Variants in GALNTL6 observed in about 807,000 individuals in gnomAD.
The protein encoded by GALNTL6 is polypeptide N-acetylgalactosaminyltransferase like 6, also known as polypeptide N-acetylgalactosaminyltransferase-like 6.
GALNTL6 carries 46 observed loss-of-function variants against 73.7 expected under a neutral mutation model. The ratio of observed to expected loss-of-function variants is 0.62; its 90% confidence interval spans 0.49 to 0.80. The LOEUF (loss-of-function observed/expected upper bound fraction) is 0.80, where lower values mean the gene tolerates loss of function less well. Among genes scored for constraint, GALNTL6 ranks in the 30% least tolerant of loss-of-function variants. The pLI is 0.00. For missense variants in GALNTL6, 604 were observed against 755.0 expected (o/e 0.80, Z 2.34); for synonymous variants, 259 against 263.7 (o/e 0.98, Z 0.17).
chr4:172,836,923 G>C (rs753508202), intron 7 of GALNTL6, among the ~76,000 whole-genome samples: 1 of 152,178 alleles, frequency 6.6e-6, no homozygotes, highest in African/African-American at 2.4e-5. Context: ...ATTCATTAAA[G>C]CACTTCCCTG....
intron 5 of GALNTL6, among the ~76,000 whole-genome samples, chr4:172,744,834 C>CGTGT (rs1553983570): frequency 1.0e-3 from 85 of 84,688 alleles, no homozygotes; most frequent in Admixed American, 5.2e-3. Context: ...TTTAAGAGTG[C>CGTGT]GCGTGCGTGT....
chr4:172,833,613 A>G (rs1464027535), intron 7 of GALNTL6, among the ~76,000 whole-genome samples: 1 of 152,230 alleles, frequency 6.6e-6, no homozygotes, highest in Non-Finnish European at 1.5e-5. Flanking sequence ...CCAAATACCC[A>G]TCATTTATAG....
At chr4:172,693,010 G>T (rs145272255) in intron 5 of GALNTL6, among the ~76,000 whole-genome samples, 1 of 152,126 alleles carries the variant, frequency 6.6e-6, no homozygotes, top group Non-Finnish European at 1.5e-5. Context: ...TAATATGAAA[G>T]ATTAAGCTTA....
chr4:172,622,278 G>A (rs1242307801), intron 5 of GALNTL6, among the ~76,000 whole-genome samples: 9 of 152,068 alleles, frequency 5.9e-5, no homozygotes, highest in Non-Finnish European at 1.5e-5. Flanking sequence ...CACAACTAAA[G>A]TTTCCAACTC....
At chr4:172,144,577 A>G (rs553236990) in intron 2 of GALNTL6, among the ~76,000 whole-genome samples, 147 of 152,304 alleles carry the variant, frequency 9.7e-4, no homozygotes, top group African/African-American at 3.4e-3. Context: ...ATAGTCTTTC[A>G]TTTACTAGGT....
intron 2 of GALNTL6, among the ~76,000 whole-genome samples, chr4:171,875,607 T>G (rs540238482): frequency 1.3e-5 from 2 of 152,214 alleles, no homozygotes; most frequent in East Asian, 3.9e-4. Flanking sequence ...ATTGTTCTTA[T>G]GTATCTCTTA....
intron 2 of GALNTL6, among the ~76,000 whole-genome samples, chr4:171,910,199 G>A (rs560200872): frequency 4.6e-5 from 7 of 152,074 alleles, no homozygotes; most frequent in South Asian, 2.1e-4. Context: ...TTGTTAAACC[G>A]TTGTTTATCC....
chr4:172,257,816 A>G (rs1383279463), intron 3 of GALNTL6, among the ~76,000 whole-genome samples: 3 of 151,446 alleles, frequency 2.0e-5, no homozygotes, highest in Admixed American at 6.6e-5. Context: ...ATTAATTTAC[A>G]CAAAAGGTAT....
intron 2 of GALNTL6, among the ~76,000 whole-genome samples, chr4:172,173,938 C>T (rs1190297302): frequency 6.6e-6 from 1 of 151,768 alleles, no homozygotes; most frequent in Non-Finnish European, 1.5e-5. Context: ...AGAGGGGTGC[C>T]AGTGGAGAGG....
intron 2 of GALNTL6, among the ~76,000 whole-genome samples, chr4:172,052,160 TCA>T (rs1415388227): frequency 6.6e-6 from 1 of 152,224 alleles, no homozygotes; most frequent in Non-Finnish European, 1.5e-5. Flanking sequence ...AAAAGAGTCC[TCA>T]CATATAATTT....
intron 8 of GALNTL6, among the ~76,000 whole-genome samples, chr4:172,884,996 G>A (rs2111197515): frequency 6.6e-6 from 1 of 152,140 alleles, no homozygotes; most frequent in South Asian, 2.1e-4. Context: ...CTGTTTTTAT[G>A]CCAGTACCAT....
At chr4:172,663,756 C>T (rs950139748) in intron 5 of GALNTL6, among the ~76,000 whole-genome samples, 10 of 152,052 alleles carry the variant, frequency 6.6e-5, no homozygotes, top group Non-Finnish European at 1.5e-4. Context: ...GGGCGAAACC[C>T]CATCTCTACT....
At chr4:172,368,932 G>A (rs1742677585) in intron 5 of GALNTL6, among the ~76,000 whole-genome samples, 1 of 152,216 alleles carries the variant, frequency 6.6e-6, no homozygotes, top group African/African-American at 2.4e-5. Context: ...TTTGCAGTGA[G>A]TATTACAGCT....
At chr4:172,176,204 G>A (rs1157083456) in intron 2 of GALNTL6, among the ~76,000 whole-genome samples, 1 of 151,442 alleles carries the variant, frequency 6.6e-6, no homozygotes, top group East Asian at 1.9e-4. Flanking sequence ...GCCGGGCGAG[G>A]TGGCGGGCAC....
intron 5 of GALNTL6, among the ~76,000 whole-genome samples, chr4:172,388,820 G>T (rs1019972853): frequency 3.3e-5 from 5 of 152,038 alleles, no homozygotes; most frequent in Non-Finnish European, 7.4e-5. Context: ...TTAGCAACCT[G>T]CTTCGGGGGT....
intron 5 of GALNTL6, among the ~76,000 whole-genome samples, chr4:172,424,212 A>T (rs571972043): frequency 6.6e-6 from 1 of 152,078 alleles, no homozygotes; most frequent in Non-Finnish European, 1.5e-5. Flanking sequence ...AAATTTTTTG[A>T]TTTTGTTATT....
intron 7 of GALNTL6, among the ~76,000 whole-genome samples, chr4:172,846,725 T>G (rs1303664218): frequency 6.6e-6 from 1 of 152,200 alleles, no homozygotes; most frequent in Non-Finnish European, 1.5e-5. Context: ...ATTGCTAATT[T>G]ACAGATCAAT....
In GALNTL6 at chr4:172,009,858, C is replaced by T. The variant is rs117156890; in HGVS notation, c.138+195140C>T. On this transcript the variant is annotated intron_variant, in intron 2 of 12. Coordinates refer to ENST00000506823, the MANE Select transcript of GALNTL6 (RefSeq NM_001034845.3). ...TGTTTCACTATTAGGGACCTCCTTG[C>T]AGCCTGGGCAACTTCACAAACCAAT... 8.6e-4 allele frequency among the ~76,000 whole-genome samples: 131 copies of T among 152,202 alleles called. 1 individual carries two copies. In the East Asian group the frequency reaches 0.024, roughly 27 times the overall value.
intron 2 of GALNTL6, among the ~76,000 whole-genome samples, chr4:171,888,026 T>C (rs959778615): frequency 1.3e-5 from 2 of 152,168 alleles, no homozygotes; most frequent in Admixed American, 6.6e-5. Flanking sequence ...TTGTTTATTC[T>C]TTTGCTTTTT....
Sources: gnomAD v4.1 joint callset for allele counts (sites outside exome capture counted in the v4.1 genomes callset) on GRCh38, gnomAD v4.1.1 for gene constraint, MANE v1.5 for transcripts, NCBI Gene and HGNC (gene_info 2026-07-23, HGNC 2026-07-21) for gene names.